The following NTM variants were observed in gnomAD, a reference collection of about 807,000 sequenced individuals.
The protein encoded by NTM is neurotrimin.
NTM carries 13 observed loss-of-function variants against 42.1 expected under a neutral mutation model. The ratio of observed to expected loss-of-function variants is 0.31; its 90% CI spans 0.20 to 0.49. The LOEUF is 0.49. Ranked by LOEUF, NTM falls within the 20% of genes least tolerant of loss-of-function variation. The pLI is 0.99. For synonymous variants in NTM, 187 were observed against 179.2 expected, an observed-to-expected ratio of 1.04 and a Z score of -0.35; for missense variants, 373 against 452.8, an observed-to-expected ratio of 0.82 and a Z score of 1.60.
At chr11:132,314,476 T>C in intron 6 of NTM, 76 bp from the exon 7 acceptor site, 1 of 1,481,026 alleles carries the variant, frequency 6.8e-7, no homozygotes, top group Non-Finnish European at 9.0e-7. Flanking sequence ...AGACCAGGAA[T>C]CCCTGGGCCT....
At chr11:131,477,668 C>A (rs554608238) in intron 1 of NTM, among the ~76,000 whole-genome samples, 10 of 152,058 alleles carry the variant, frequency 6.6e-5, no homozygotes, top group Non-Finnish European at 1.5e-5. Flanking sequence ...TTCATAAAAC[C>A]ATTTACTGAT....
intron 2 of NTM, among the ~76,000 whole-genome samples, chr11:131,995,375 G>A (rs1314955814): frequency 6.6e-6 from 1 of 152,152 alleles, no homozygotes; most frequent in Non-Finnish European, 1.5e-5. Flanking sequence ...GAAGGTTGAG[G>A]ATCTAGTGAG....
chr11:131,789,533 GA>G lies in NTM; in HGVS notation c.83-122029del, dbSNP rs1295244497. On this transcript the variant is annotated intron_variant, in intron 1 of 8. Coordinates refer to ENST00000683400, the MANE Select transcript of NTM (RefSeq NM_001352005.2). ...AGAAGAAGAAGAAGAAGAAGAAGAA[GA>G]AGAAGAAGAAGAAAAGAAGAAGAAG... Among the ~76,000 whole-genome samples the G allele has an allele frequency of 8.4e-5, 2 of 23,950 alleles. 1 individual carries two copies. Among genetic ancestry groups the G allele is most frequent in the Non-Finnish European group, 1.4e-4 (2 of 14,460 alleles). The allele number at this position is 23,950 out of a possible 152,430, so 15.7% of individuals were successfully genotyped here.
intron 1 of NTM, chr11:131,795,165 AC>A (rs2091419207): frequency 2.6e-6 from 1 of 380,718 alleles, no homozygotes; most frequent in Admixed American, 6.4e-5. Flanking sequence ...GTTTTTTGTC[AC>A]CCACTTAAAT....
At chr11:131,579,978 T>C (rs974744457) in intron 1 of NTM, among the ~76,000 whole-genome samples, 10 of 152,196 alleles carry the variant, frequency 6.6e-5, no homozygotes, top group African/African-American at 2.4e-4. Flanking sequence ...TTCGCAGTCA[T>C]TCCTGGGAAG....
rs188844336 is a variant in NTM, at chr11:131,530,733, G to C, written c.82+159845G>C. ...AGAACAGCTGTGCTGGAGGGCCAAC[G>C]ACCCCCTTAACCTCACCCTGACCCT... On this transcript the variant is annotated intron_variant, in intron 1 of 8. Transcript: ENST00000683400. Among the ~76,000 whole-genome samples, 626 of 152,222 alleles carry C rather than the reference G, an allele frequency of 4.1e-3. 4 individuals are homozygous for C. Among genetic ancestry groups the C allele is most frequent in the African/African-American group, 0.014 (573 of 41,534 alleles).
chr11:132,299,845 C>T (rs1307749082), intron 4 of NTM, among the ~76,000 whole-genome samples: 1 of 152,042 alleles, frequency 6.6e-6, no homozygotes, highest in Non-Finnish European at 1.5e-5. Context: ...CTCTTTTCCG[C>T]CAGCCATGCT....
chr11:131,966,722 G>C (rs2062880741), intron 2 of NTM, among the ~76,000 whole-genome samples: 1 of 152,158 alleles, frequency 6.6e-6, no homozygotes, highest in Admixed American at 6.5e-5. Flanking sequence ...GATCAGGTCA[G>C]GTCTCAGGGA....
At chr11:131,877,525 G>T (rs1459878557) in intron 1 of NTM, among the ~76,000 whole-genome samples, 3 of 152,074 alleles carry the variant, frequency 2.0e-5, no homozygotes, top group Non-Finnish European at 2.9e-5. Flanking sequence ...GGGCCCTTTT[G>T]TATCTCCCCC....
intron 1 of NTM, among the ~76,000 whole-genome samples, chr11:131,418,582 G>A (rs1412112620): frequency 6.6e-6 from 1 of 152,204 alleles, no homozygotes; most frequent in Non-Finnish European, 1.5e-5. Context: ...CCGGCACAGG[G>A]ATTAGGGGCA....
At chr11:132,256,809 G>A (rs2092513346) in intron 4 of NTM, among the ~76,000 whole-genome samples, 1 of 152,192 alleles carries the variant, frequency 6.6e-6, no homozygotes, top group Non-Finnish European at 1.5e-5. Flanking sequence ...AGCGATTCCA[G>A]CCGCAGGAGA....
At chr11:131,669,015 G>A (rs1592454988) in intron 1 of NTM, among the ~76,000 whole-genome samples, 2 of 152,174 alleles carry the variant, frequency 1.3e-5, no homozygotes, top group African/African-American at 4.8e-5. Context: ...AAAGGGGCTG[G>A]AGCTTGGGGA....
intron 6 of NTM, among the ~76,000 whole-genome samples, chr11:132,311,444 A>AG (rs1302160598): frequency 6.6e-6 from 1 of 152,184 alleles, no homozygotes; most frequent in Non-Finnish European, 1.5e-5. Context: ...TAAGACACAA[A>AG]GGGGAAAAAC....
intron 1 of NTM, among the ~76,000 whole-genome samples, chr11:131,682,698 A>G (rs1160434115): frequency 6.6e-6 from 1 of 152,072 alleles, no homozygotes; most frequent in East Asian, 1.9e-4. Context: ...CTCTGCTGCA[A>G]TTTGCTCTCA....
At chr11:131,419,153 TAA>T in intron 1 of NTM, among the ~76,000 whole-genome samples, 1 of 99,626 alleles carries the variant, frequency 1.0e-5, no homozygotes. Flanking sequence ...ATACCTTGGT[TAA>T]AAACAAACAA....
At chr11:132,157,248 A>G (rs1456149885) in intron 3 of NTM, among the ~76,000 whole-genome samples, 1 of 152,252 alleles carries the variant, frequency 6.6e-6, no homozygotes, top group Admixed American at 6.5e-5. Context: ...AATAGGAAAA[A>G]CAAAAATTGA....
chr11:132,096,145 C>T (rs2060953795), intron 2 of NTM, among the ~76,000 whole-genome samples: 1 of 152,208 alleles, frequency 6.6e-6, no homozygotes, highest in African/African-American at 2.4e-5. Flanking sequence ...TTGACTTTCT[C>T]TCCCCATACT....
At chr11:131,643,390 G>T (rs1489218445) in intron 1 of NTM, among the ~76,000 whole-genome samples, 1 of 152,310 alleles carries the variant, frequency 6.6e-6, no homozygotes, top group South Asian at 2.1e-4. Context: ...GGGTGTGCGC[G>T]GAGCGGCCCA....
intron 1 of NTM, among the ~76,000 whole-genome samples, chr11:131,906,024 C>G (rs1004833495): frequency 2.0e-5 from 3 of 152,076 alleles, no homozygotes; most frequent in African/African-American, 7.2e-5. Flanking sequence ...TTTTCATGAA[C>G]GTTAATGGAA....
Sources: allele counts gnomAD v4.1 joint callset (sites outside exome capture counted in the v4.1 genomes callset), GRCh38; gene constraint gnomAD v4.1.1; transcripts MANE v1.5; gene names NCBI Gene and HGNC (gene_info 2026-07-23, HGNC 2026-07-21).